The following WWP2 variants were observed in gnomAD, a reference collection of about 807,000 sequenced individuals.
The protein encoded by WWP2 is WW domain containing E3 ubiquitin protein ligase 2.
In WWP2, 57 loss-of-function variants were observed where a neutral mutation model predicts 121.0. That is an observed-to-expected ratio of 0.47 (90% CI 0.38 to 0.59). WWP2 has a LOEUF of 0.59. WWP2 is among the 20% of genes least tolerant of loss of function. The pLI is 0.00. For missense variants in WWP2, 962 were observed against 1,158.9 expected (o/e 0.83, Z 2.47); for synonymous variants, 449 against 441.3 (o/e 1.02, Z -0.22).
At chr16:69,810,858 A>G (rs2056378964) in intron 4 of WWP2, among the ~76,000 whole-genome samples, 1 of 149,514 alleles carries the variant, frequency 6.7e-6, no homozygotes, top group Non-Finnish European at 1.5e-5. Flanking sequence ...AGGTTCAGGC[A>G]ATTCTCCTGC....
intron 2 of WWP2, among the ~76,000 whole-genome samples, chr16:69,793,409 A>G (rs2055955471): frequency 6.6e-6 from 1 of 152,142 alleles, no homozygotes; most frequent in African/African-American, 2.4e-5. Flanking sequence ...GCATTAGAGA[A>G]AGAGTTTAAT....
chr16:69,892,982 A>G (rs375884973), intron 8 of WWP2, among the ~76,000 whole-genome samples: 2 of 152,214 alleles, frequency 1.3e-5, no homozygotes, highest in Non-Finnish European at 2.9e-5. Context: ...CTACCCTTCA[A>G]GCCTTCGGTG....
At chr16:69,848,563 G>C (rs2151884748) in intron 6 of WWP2, among the ~76,000 whole-genome samples, 1 of 148,756 alleles carries the variant, frequency 6.7e-6, no homozygotes, top group South Asian at 2.1e-4. Flanking sequence ...CTTGAGCCCA[G>C]GAATTTGAGG....
chr16:69,898,282 C>T (rs1485798053), intron 8 of WWP2, among the ~76,000 whole-genome samples: 14 of 152,124 alleles, frequency 9.2e-5, no homozygotes, highest in Non-Finnish European at 5.9e-5. Flanking sequence ...CCCACCTCGG[C>T]CTCCCAAAGT....
chr16:69,804,672 T>A (rs1567675624), intron 4 of WWP2, among the ~76,000 whole-genome samples: 1 of 152,154 alleles, frequency 6.6e-6, no homozygotes, highest in African/African-American at 2.4e-5. Flanking sequence ...CATCACTAGA[T>A]GAACCTTAAC....
chr16:69,907,363 G>A lies in WWP2; in HGVS notation c.915-1398G>A, dbSNP rs536472503. The stretch of plus-strand genomic sequence containing the variant: ...ATAGAATTCCCATTATGCTCACATC[G>A]TCCGCTTCTATATCAATAGCATTGG... On this transcript the variant is annotated intron_variant, in intron 8 of 23. Coordinates refer to ENST00000359154, the MANE Select transcript of WWP2 (RefSeq NM_001270454.2). 4.2e-4 allele frequency among the ~76,000 whole-genome samples: 64 copies of A among 152,184 alleles called. 1 individual carries two copies. The highest frequency in any genetic ancestry group is 1.5e-3 in the African/African-American group (61 of 41,530).
rs1455882558 is a variant in WWP2, at chr16:69,936,378, G to A, written c.2043G>A (p.Lys681=). 1 of 1,614,018 alleles carries A rather than the reference G, an allele frequency of 6.2e-7. No individual in the cohort carries two copies. Among genetic ancestry groups the A allele is most frequent in the Non-Finnish European group, 8.5e-7 (1 of 1,180,032 alleles). ...YFIQDMEILG[K]VTTHELKEGG... ...TCCAGGACATGGAGATACTGGGCAAGGTGACGACCCACGAGCTGAAGGAGG... is the reference window on the plus strand; with the variant it reads ...TCCAGGACATGGAGATACTGGGCAAAGTGACGACCCACGAGCTGAAGGAGG... The change falls in exon 19 of 24, where the codon AAG becomes AAA. Residue 681 remains lysine (K), a synonymous_variant. Transcript: ENST00000359154.
chr16:69,896,345 T>C (rs77623554), intron 8 of WWP2, among the ~76,000 whole-genome samples: 5,654 of 152,216 alleles, frequency 0.037, 299 homozygotes, highest in African/African-American at 0.12. Flanking sequence ...TCTTGAACTC[T>C]TGGAGGCTCA....
At chr16:69,922,050 C>T (rs962834441) in intron 10 of WWP2, among the ~76,000 whole-genome samples, 1 of 148,960 alleles carries the variant, frequency 6.7e-6, no homozygotes, top group Non-Finnish European at 1.5e-5. Context: ...TGCACTCCAG[C>T]CAGAGACACA....
At chr16:69,853,623 A>G (rs913249649) in intron 6 of WWP2, among the ~76,000 whole-genome samples, 2 of 152,162 alleles carry the variant, frequency 1.3e-5, no homozygotes, top group South Asian at 2.1e-4. Flanking sequence ...TGGGGCTGAG[A>G]CCAGACTCAG....
At chr16:69,785,462 C>T (rs1486590216) in intron 1 of WWP2, among the ~76,000 whole-genome samples, 3 of 152,130 alleles carry the variant, frequency 2.0e-5, no homozygotes, top group African/African-American at 7.2e-5. Flanking sequence ...AATGTGTCAA[C>T]ATTTGGAAAA....
intron 4 of WWP2, among the ~76,000 whole-genome samples, chr16:69,808,694 G>T (rs1005972922): frequency 6.6e-6 from 1 of 152,180 alleles, no homozygotes; most frequent in Non-Finnish European, 1.5e-5. Flanking sequence ...GAGCCACTGC[G>T]CCCGGCCATG....
Position 69,937,705 on chromosome 16 carries a change from A to C in WWP2, c.2343+53A>C. 6.3e-7 allele frequency: 1 copy of C among 1,588,144 alleles called. No homozygotes were observed. ...GGACATTTGGGCCATCAACCAAAGGAAACGGGTCCTGAGGAGGCCTCACGC... is the reference window on the plus strand; with the variant it reads ...GGACATTTGGGCCATCAACCAAAGGCAACGGGTCCTGAGGAGGCCTCACGC... On this transcript the variant is annotated intron_variant, in intron 21 of 23. Coordinates refer to ENST00000359154, the MANE Select transcript of WWP2 (RefSeq NM_001270454.2). The surrounding 1 kb of genome is among the most constrained non-coding windows in gnomAD (Gnocchi z 6.6).
At chr16:69,891,439 GAT>G (rs1465680994) in intron 8 of WWP2, among the ~76,000 whole-genome samples, 1 of 152,148 alleles carries the variant, frequency 6.6e-6, no homozygotes, top group Non-Finnish European at 1.5e-5. Flanking sequence ...CTTTTATGAG[GAT>G]ATATAAATGC....
chr16:69,874,995 CT>C (rs1279545304), intron 7 of WWP2, among the ~76,000 whole-genome samples: 6 of 148,258 alleles, frequency 4.0e-5, no homozygotes. Flanking sequence ...ACACTCCAGC[CT>C]GGGCAACAGA....
At position 69,774,289 on chromosome 16, in the gene WWP2, C is replaced by T. The variant is rs180793796; in HGVS notation, c.-16+11898C>T. Among the ~76,000 whole-genome samples the T allele has an allele frequency of 5.1e-4, 77 of 152,034 alleles. No individual in the cohort carries two copies. The Middle Eastern group carries it at 0.024, about 47-fold the overall frequency. ...ATTTTTTTTTTGAGACAGGGTCTTG[C>T]TCTGTCACCTAGCTGGAGTGCAGTG... On this transcript the variant is annotated intron_variant, in intron 1 of 23. Transcript: ENST00000359154.
intron 4 of WWP2, among the ~76,000 whole-genome samples, chr16:69,807,640 A>AAAAAG (rs1567677289): frequency 6.7e-6 from 1 of 149,824 alleles, no homozygotes; most frequent in Non-Finnish European, 1.5e-5. Context: ...AAAAAAAAAA[A>AAAAAG]AAAAGAAAAG....
At chr16:69,939,004 T>C (rs544738685) in intron 21 of WWP2, 23 bp from the exon 22 acceptor site, 3 of 1,585,238 alleles carry the variant, frequency 1.9e-6, no homozygotes, top group Non-Finnish European at 2.6e-6. Context: ...TGCCTGACTG[T>C]GCCTTGACTT....
intron 6 of WWP2, among the ~76,000 whole-genome samples, chr16:69,849,976 G>A (rs1414752177): frequency 6.6e-6 from 1 of 152,174 alleles, no homozygotes; most frequent in Non-Finnish European, 1.5e-5. Flanking sequence ...GCCAGATGTG[G>A]CATGCGCCAG....
Sources: gnomAD v4.1 joint callset for allele counts (sites outside exome capture counted in the v4.1 genomes callset) on GRCh38, gnomAD v4.1.1 for gene constraint, Gnocchi (gnomAD v3.1) non-coding constraint, MANE v1.5 for transcripts, NCBI Gene and HGNC (gene_info 2026-07-23, HGNC 2026-07-21) for gene names.